The following ZNF664 variants were observed in gnomAD, a reference collection of about 807,000 sequenced individuals.
ZNF664 encodes the protein zinc finger Organ of Corti 1.
ZNF664 carries 10 observed loss-of-function variants against 18.2 expected under a neutral mutation model. The observed-to-expected ratio is 0.55, with a 90% CI of 0.34 to 0.93. ZNF664 has a LOEUF of 0.93. ZNF664 is among the 40% of genes least tolerant of loss of function. ZNF664 has a pLI of 0.02. For synonymous variants in ZNF664, 119 were observed against 104.2 expected (o/e 1.14, Z -0.86); for missense variants, 193 against 319.0 (o/e 0.61, Z 3.01).
chr12:124,002,875 G>T (rs1024725692), intron 3 of ZNF664, among the ~76,000 whole-genome samples: 1 of 152,096 alleles, frequency 6.6e-6, no homozygotes, highest in African/African-American at 2.4e-5. Context: ...TACTTAGAGG[G>T]TATAGATTCA....
intron 3 of ZNF664, among the ~76,000 whole-genome samples, chr12:124,005,693 C>T (rs1464024769): frequency 6.6e-6 from 1 of 152,210 alleles, no homozygotes; most frequent in African/African-American, 2.4e-5. Context: ...ATTCATACAG[C>T]ATCTGCCCTC....
intron 2 of ZNF664, among the ~76,000 whole-genome samples, chr12:123,979,741 C>T (rs1274847402): frequency 6.6e-6 from 1 of 151,974 alleles, no homozygotes; most frequent in Non-Finnish European, 1.5e-5. Flanking sequence ...TGCAGTGGTA[C>T]GGAATGTGGT....
At position 124,013,872 on chromosome 12, in the gene ZNF664, A is replaced by G. The variant is rs1957161609; in HGVS notation, c.*942A>G. 1 of 167,092 alleles carries G rather than the reference A, an allele frequency of 6.0e-6. No homozygotes were observed. The highest frequency in any genetic ancestry group is 1.5e-5 in the Non-Finnish European group (1 of 68,124). 10.4% of individuals were successfully genotyped at this position (167,092 alleles called of 1,614,324 possible). A position where few individuals can be genotyped will look rare whatever the true frequency, so the allele number is the denominator to read the frequency against. On this transcript the variant is annotated 3_prime_UTR_variant, in exon 5 of 5. Coordinates refer to ENST00000337815, the MANE Select transcript of ZNF664 (RefSeq NM_152437.3). ...TCTATTTCTGTAATCTTGGGCAATA[A>G]TGCATAGGAGTTCTTGATACCCCTT...
chr12:124,013,234 G>T lies in ZNF664; in HGVS notation c.*304G>T, dbSNP rs2138470531. On this transcript the variant is annotated 3_prime_UTR_variant, in exon 5 of 5. Transcript: ENST00000337815. The stretch of plus-strand genomic sequence containing the variant: ...GACTACACAAAAAGCCACAATCATT[G>T]CCCGGCCTCCTGAGTCACCTTCTAT... The T allele has an allele frequency of 2.5e-6, 1 of 392,168 alleles. No homozygotes were observed. Among genetic ancestry groups the T allele is most frequent in the African/African-American group, 2.1e-5 (1 of 48,476 alleles). 24.3% of individuals were successfully genotyped at this position (392,168 alleles called of 1,614,324 possible).
At chr12:124,007,839 C>CT (rs973978650) in intron 3 of ZNF664, among the ~76,000 whole-genome samples, 2 of 152,154 alleles carry the variant, frequency 1.3e-5, no homozygotes, top group Admixed American at 1.3e-4. Context: ...TTTACTTTCC[C>CT]TTTTTTTGTT....
At chr12:124,001,501 CT>C (rs1033154330) in intron 3 of ZNF664, among the ~76,000 whole-genome samples, 6 of 152,200 alleles carry the variant, frequency 3.9e-5, no homozygotes, top group African/African-American at 1.4e-4. Flanking sequence ...CCTCCTGCCC[CT>C]CACCATGGTC....
At position 124,012,010 on chromosome 12, in the gene ZNF664, A is replaced by G. The variant is rs1957140082; in HGVS notation, c.-135A>G. 13 of 1,446,402 alleles carry G rather than the reference A, an allele frequency of 9.0e-6. 1 individual carries two copies. The South Asian group carries it at 2.0e-4, about 22-fold the overall frequency. 89.6% of individuals were successfully genotyped at this position (1,446,402 alleles called of 1,614,324 possible). ...GCAGGGAAAAGCTTAGGCTGACCTT[A>G]AACTTACCTAATAGAGCAAGCCTGA... On this transcript the variant is annotated 5_prime_UTR_variant, in exon 5 of 5. Coordinates refer to ENST00000337815, the MANE Select transcript of ZNF664 (RefSeq NM_152437.3).
Position 124,008,364 on chromosome 12 carries a change from G to C in ZNF664, c.-660-3017G>C, listed in dbSNP as rs185045156. On this transcript the variant is annotated intron_variant, in intron 3 of 4. Coordinates refer to ENST00000337815, the MANE Select transcript of ZNF664 (RefSeq NM_152437.3). ...TTGCACCACAGCAGGAGGCACACGT[G>C]TCTGGTTGTTCCTCTTTGAGTCATG... Among the ~76,000 whole-genome samples, 511 of 152,304 alleles carry C rather than the reference G, an allele frequency of 3.4e-3. 4 individuals carry two copies. The highest frequency in any genetic ancestry group is 0.012 in the African/African-American group (489 of 41,552).
chr12:123,975,691 C>T (rs1284053164), intron 2 of ZNF664, among the ~76,000 whole-genome samples: 1 of 152,222 alleles, frequency 6.6e-6, no homozygotes, highest in African/African-American at 2.4e-5. Context: ...GTTGGGATTA[C>T]AGGTGTGAGC....
Position 124,012,653 on chromosome 12 carries a change from C to G in ZNF664, c.509C>G (p.Pro170Arg). Residue 170 changes from proline to arginine, a missense_variant, in exon 5 of 5, where the codon CCC becomes CGC. Around this residue, in one of 3 missense-constraint regions of ZNF664, gnomAD observed 61 missense variants for 153.7 expected, o/e 0.40. Coordinates refer to ENST00000337815, the MANE Select transcript of ZNF664 (RefSeq NM_152437.3). Reference protein sequence around the residue: ...MHQRVHTGEKPYKCYECGKAF... With the variant: ...MHQRVHTGEKRYKCYECGKAF... The stretch of plus-strand genomic sequence containing the variant: ...CAAAGAGTCCACACAGGAGAGAAAC[C>G]CTATAAATGTTATGAGTGTGGGAAG... 1 of 1,614,144 alleles carries G rather than the reference C, an allele frequency of 6.2e-7. No individual in the cohort carries two copies. Among genetic ancestry groups the G allele is most frequent in the Non-Finnish European group, 8.5e-7 (1 of 1,180,038 alleles).
At chr12:124,010,075 T>A (rs1283827067) in intron 3 of ZNF664, among the ~76,000 whole-genome samples, 4 of 152,158 alleles carry the variant, frequency 2.6e-5, no homozygotes, top group African/African-American at 9.7e-5. Flanking sequence ...GGTATATCAG[T>A]CATTTCCTAT....
intron 2 of ZNF664, among the ~76,000 whole-genome samples, chr12:123,983,428 GT>G (rs2138345344): frequency 6.6e-6 from 1 of 152,308 alleles, no homozygotes; most frequent in African/African-American, 2.4e-5. Context: ...AAGAAATTCA[GT>G]AAAGCTATTC....
At chr12:123,999,698 A>G (rs977368464) in intron 3 of ZNF664, among the ~76,000 whole-genome samples, 3 of 152,236 alleles carry the variant, frequency 2.0e-5, no homozygotes, top group African/African-American at 7.2e-5. Flanking sequence ...TAAGTAGGAC[A>G]TGGACACTTC....
intron 2 of ZNF664, among the ~76,000 whole-genome samples, chr12:123,981,846 C>T: frequency 6.6e-6 from 1 of 152,190 alleles, no homozygotes; most frequent in South Asian, 2.1e-4. Context: ...ATCAATATTT[C>T]TACATGGTAA....
At position 124,012,012 on chromosome 12, in the gene ZNF664, A is replaced by G. The variant is rs550849956; in HGVS notation, c.-133A>G. The G allele has an allele frequency of 2.6e-3, 3,804 of 1,447,212 alleles. 4 individuals carry two copies. The highest frequency in any genetic ancestry group is 3.2e-3 in the Non-Finnish European group (3,570 of 1,109,276). 89.6% of individuals were successfully genotyped at this position (1,447,212 alleles called of 1,614,324 possible). A position where few individuals can be genotyped will look rare whatever the true frequency, so the allele number is the denominator to read the frequency against. Reference sequence around the variant, plus strand: ...AGGGAAAAGCTTAGGCTGACCTTAAACTTACCTAATAGAGCAAGCCTGAGA... The same window carrying G: ...AGGGAAAAGCTTAGGCTGACCTTAAGCTTACCTAATAGAGCAAGCCTGAGA... On this transcript the variant is annotated 5_prime_UTR_variant, in exon 5 of 5. Transcript: ENST00000337815.
chr12:124,002,905 C>T lies in ZNF664; in HGVS notation c.-660-8476C>T, dbSNP rs367679944. Among the ~76,000 whole-genome samples, 145 of 152,206 alleles carry T rather than the reference C, an allele frequency of 9.5e-4. 11 individuals are homozygous for T. In the South Asian group the frequency reaches 0.029, roughly 30 times the overall value. ...GATTCAGAAAAGAAATGGTCCCAAGCAGGAGCCCTGAAGCACCCCAGGATT... is the reference window on the plus strand; with the variant it reads ...GATTCAGAAAAGAAATGGTCCCAAGTAGGAGCCCTGAAGCACCCCAGGATT... On this transcript the variant is annotated intron_variant, in intron 3 of 4. Transcript: ENST00000337815.
chr12:123,979,994 T>C (rs534035332), intron 2 of ZNF664, among the ~76,000 whole-genome samples: 1 of 152,344 alleles, frequency 6.6e-6, no homozygotes, highest in East Asian at 1.9e-4. Flanking sequence ...TATTAGTTTT[T>C]TATATAGAGA....
At chr12:123,989,939 C>T (rs1237006677) in intron 3 of ZNF664, among the ~76,000 whole-genome samples, 1 of 152,150 alleles carries the variant, frequency 6.6e-6, no homozygotes, top group Non-Finnish European at 1.5e-5. Context: ...AAGAGGTCAC[C>T]TGCTCTTGCA....
At position 124,012,370 on chromosome 12, in the gene ZNF664, A is replaced by G; in HGVS notation, c.226A>G (p.Arg76Gly). The change falls in exon 5 of 5, where the codon AGA becomes GGA. Residue 76 changes from arginine (R) to glycine (G), a missense_variant. By Grantham distance (125) the Arg-to-Gly change is moderately radical. This residue lies in a region of ZNF664 where 90 missense variants were observed against 118.9 expected (regional missense o/e 0.76). Transcript: ENST00000337815. ...KDFSTTTKLN[R>G]HKKIHTVEKP... ...TTTTAGCACTACAACAAAACTTAAT[A>G]GACATAAGAAAATCCACACAGTGGA... The G allele has an allele frequency of 6.2e-7, 1 of 1,614,248 alleles. No homozygotes were observed. The highest frequency in any genetic ancestry group is 8.5e-7 in the Non-Finnish European group (1 of 1,180,038).
Sources: allele counts gnomAD v4.1 joint callset (sites outside exome capture counted in the v4.1 genomes callset), GRCh38; gene constraint gnomAD v4.1.1; regional missense constraint gnomAD v4.1.1; transcripts MANE v1.5; gene names NCBI Gene and HGNC (gene_info 2026-07-23, HGNC 2026-07-21).